The following ACSBG1 variants were observed in gnomAD, a reference collection of about 807,000 sequenced individuals.
The protein encoded by ACSBG1 is acyl-CoA synthetase bubblegum family member 1.
ACSBG1 carries 39 observed loss-of-function variants against 80.2 expected under a neutral mutation model. The ratio of observed to expected loss-of-function variants is 0.49; its 90% CI spans 0.38 to 0.64. ACSBG1 has a LOEUF of 0.64. Among genes scored for constraint, ACSBG1 ranks in the 30% least tolerant of loss-of-function variants. ACSBG1 has a pLI of 0.00. For synonymous variants in ACSBG1, 392 were observed against 379.5 expected (o/e 1.03, Z -0.38); for missense variants, 828 against 966.4 (o/e 0.86, Z 1.90).
rs555479488 is a variant in ACSBG1 at position 78,194,531 on chromosome 15, C to A, written c.428G>T (p.Arg143Leu). Residue 143 changes from arginine (R) to leucine (L), a missense_variant, in exon 3 of 14, where the codon CGC (arginine) becomes CTC (leucine). By Grantham distance (102) the Arg-to-Leu change is moderately radical. Transcript: ENST00000258873. Reference sequence around the variant, plus strand: ...CTTCAGGAAGCCCTTGGCGGCTCTGCGGGCGAGCAGGTAGTATTGGGAGTA... The same window carrying A: ...CTTCAGGAAGCCCTTGGCGGCTCTGAGGGCGAGCAGGTAGTATTGGGAGTA... ...ISYSQYYLLARRAAKGFLKLG... is the reference protein window; with the variant it reads ...ISYSQYYLLALRAAKGFLKLG... 6 of 1,614,058 alleles carry A rather than the reference C, an allele frequency of 3.7e-6. No individual in the cohort carries two copies. In the African/African-American group the frequency reaches 4.0e-5, roughly 11 times the overall value.
chr15:78,223,424 C>T, intron 1 of ACSBG1, among the ~76,000 whole-genome samples: 1 of 151,960 alleles, frequency 6.6e-6, no homozygotes, highest in Middle Eastern at 3.4e-3. Context: ...TGCACATGTA[C>T]CACAAAACCA....
In ACSBG1 at chr15:78,169,767, T is replaced by G. The variant is rs1449209730; in HGVS notation, c.*1677A>C. 6.6e-6 allele frequency: 1 copy of G among 152,256 alleles called. No homozygotes were observed. Among genetic ancestry groups the G allele is most frequent in the African/African-American group, 2.4e-5 (1 of 41,464 alleles). 9.4% of individuals were successfully genotyped at this position (152,256 alleles called of 1,614,324 possible). On this transcript the variant is annotated 3_prime_UTR_variant, in exon 14 of 14. Transcript: ENST00000258873. ...CAGAGAGCTAGTACTTCATTTTCAC[T>G]GGATACATTTTCAGCATCATGAGTT...
rs1380594944 is a variant in ACSBG1, at chr15:78,208,058, T to C, written c.176A>G (p.His59Arg). 5 of 1,612,424 alleles carry C rather than the reference T, an allele frequency of 3.1e-6. No individual in the cohort carries two copies. The South Asian group carries it at 3.3e-5, about 11-fold the overall frequency. Residue 59 changes from histidine to arginine, a missense_variant, in exon 2 of 14, where the codon CAT becomes CGT. This residue lies in a region of ACSBG1 where 356 missense variants were observed against 363.5 expected (regional missense o/e 0.98). Coordinates refer to ENST00000258873, the MANE Select transcript of ACSBG1 (RefSeq NM_015162.5). ...RQPLSKESLN[H>R]ALELSVPEKV... is the part of the protein sequence containing the mutation. ...CTCTGGCACTGAGAGCTCGAGAGCA[T>C]GGTTCAGGGACTCTTTGGAGAGTGG...
intron 2 of ACSBG1, among the ~76,000 whole-genome samples, chr15:78,204,121 A>G (rs778658476): frequency 7.2e-5 from 11 of 152,218 alleles, no homozygotes; most frequent in South Asian, 2.1e-4. Flanking sequence ...GGCCTTCTCA[A>G]TGGGGACTGA....
chr15:78,214,682 C>A (rs1333903355), intron 1 of ACSBG1, among the ~76,000 whole-genome samples: 4 of 152,126 alleles, frequency 2.6e-5, no homozygotes, highest in Non-Finnish European at 5.9e-5. Context: ...CTCAAGAAAT[C>A]TGCCTGCCTC....
At chr15:78,225,401 C>A (rs373646870) in intron 1 of ACSBG1, among the ~76,000 whole-genome samples, 1 of 143,136 alleles carries the variant, frequency 7.0e-6, no homozygotes. Context: ...AACTCTGTCT[C>A]AATAAATAAA....
At chr15:78,186,445 G>C (rs1567083544) in intron 5 of ACSBG1, among the ~76,000 whole-genome samples, 2 of 152,152 alleles carry the variant, frequency 1.3e-5, no homozygotes, top group East Asian at 3.8e-4. Context: ...CTCAGCAAAT[G>C]TAAAAGATCA....
chr15:78,200,988 C>T (rs751543119), intron 2 of ACSBG1, among the ~76,000 whole-genome samples: 4 of 152,220 alleles, frequency 2.6e-5, no homozygotes, highest in Admixed American at 6.5e-5. Context: ...TTTGGTTCCC[C>T]GTCTCTGTGC....
chr15:78,175,006 C>T (rs994604715), intron 11 of ACSBG1, among the ~76,000 whole-genome samples: 4 of 152,240 alleles, frequency 2.6e-5, no homozygotes, highest in Non-Finnish European at 4.4e-5. Flanking sequence ...GGCACAGAGA[C>T]GTTCAGTAAC....
intron 1 of ACSBG1, among the ~76,000 whole-genome samples, chr15:78,216,224 T>C (rs1021896154): frequency 6.6e-6 from 1 of 152,186 alleles, no homozygotes; most frequent in Admixed American, 6.5e-5. Context: ...CTGTGCCGGA[T>C]GTTGCATGGG....
Position 78,168,951 on chromosome 15 carries a change from A to G in ACSBG1, c.*2493T>C, listed in dbSNP as rs753006580. 2.1e-5 allele frequency: 34 copies of G among 1,604,184 alleles called. No individual in the cohort carries two copies. In the African/African-American group the frequency reaches 3.7e-4, roughly 18 times the overall value. On this transcript the variant is annotated 3_prime_UTR_variant, in exon 14 of 14. Coordinates refer to ENST00000258873, the MANE Select transcript of ACSBG1 (RefSeq NM_015162.5). ...TGACAAAAGATTTGGGAGGCAATGC[A>G]AAATGCTCAGACTTCACAGAGGAAA... is the stretch of plus-strand genomic sequence containing the variant.
Position 78,170,376 on chromosome 15 carries a change from C to T in ACSBG1, c.*1068G>A, listed in dbSNP as rs552746905. ...CACAAGGGGATTTTTTTTTTTTTAG[C>T]AATGATATCCCTGTCTGGGTCACTT... On this transcript the variant is annotated 3_prime_UTR_variant, in exon 14 of 14. Transcript: ENST00000258873. The T allele has an allele frequency of 9.9e-5, 15 of 151,026 alleles. No homozygotes were observed. Among genetic ancestry groups the T allele is most frequent in the African/African-American group, 3.2e-4 (13 of 41,106 alleles). The allele number at this position is 151,026 out of a possible 1,614,324, so 9.4% of individuals were successfully genotyped here.
At chr15:78,198,191 C>T (rs567831945) in intron 2 of ACSBG1, among the ~76,000 whole-genome samples, 1 of 152,126 alleles carries the variant, frequency 6.6e-6, no homozygotes, top group Admixed American at 6.5e-5. Context: ...CATGCACCAC[C>T]ATGTCTGGCT....
At chr15:78,203,991 G>A (rs901168010) in intron 2 of ACSBG1, among the ~76,000 whole-genome samples, 3 of 152,194 alleles carry the variant, frequency 2.0e-5, no homozygotes, top group African/African-American at 7.2e-5. Flanking sequence ...AGAGGAAGAG[G>A]CCACATTGGC....
At chr15:78,181,947 C>G in intron 8 of ACSBG1, 22 bp downstream of exon 8, 1 of 1,609,190 alleles carries the variant, frequency 6.2e-7, no homozygotes, top group East Asian at 2.2e-5. Context: ...CTCAGACGGA[C>G]ACACGGTAAA....
At chr15:78,232,336 C>G (rs1340704692) in intron 1 of ACSBG1, among the ~76,000 whole-genome samples, 1 of 152,210 alleles carries the variant, frequency 6.6e-6, no homozygotes, top group Non-Finnish European at 1.5e-5. Context: ...TTTAGCCTTT[C>G]TCTTTCCCTA....
At position 78,187,291 on chromosome 15, in the gene ACSBG1, A is replaced by T. The variant is rs572326644; in HGVS notation, c.664-4506T>A. ...TCCTTCTGAAACTATTCCAATCAAC[A>T]GAAAAAGAGGGAATCCTCCCTAACT... On this transcript the variant is annotated intron_variant, in intron 5 of 13. Transcript: ENST00000258873. 3.3e-3 allele frequency among the ~76,000 whole-genome samples: 503 copies of T among 152,370 alleles called. 1 individual carries two copies. The highest frequency in any genetic ancestry group is 0.011 in the African/African-American group (467 of 41,584).
At position 78,174,574 on chromosome 15, in the gene ACSBG1, C is replaced by G. The variant is rs139784767; in HGVS notation, c.1703-50G>C. On this transcript the variant is annotated intron_variant, in intron 11 of 13. Transcript: ENST00000258873. ...GGCACAGAATGTAGTCCAGGTGCCC[C>G]AGCTGAACCACAACCCAAGCCTCAA... 6.8e-4 allele frequency: 1,067 copies of G among 1,577,656 alleles called. 2 individuals carry two copies. The African/African-American group carries it at 0.011, about 16-fold the overall frequency.
At chr15:78,180,232 A>G (rs893859597) in intron 9 of ACSBG1, among the ~76,000 whole-genome samples, 1 of 152,250 alleles carries the variant, frequency 6.6e-6, no homozygotes, top group Non-Finnish European at 1.5e-5. Flanking sequence ...ATGTGCACAC[A>G]TCTCATGAAA....
Sources: allele counts gnomAD v4.1 joint callset (sites outside exome capture counted in the v4.1 genomes callset), GRCh38; gene constraint gnomAD v4.1.1; regional missense constraint gnomAD v4.1.1; transcripts MANE v1.5; gene names NCBI Gene and HGNC (gene_info 2026-07-23, HGNC 2026-07-21).